The following PDZRN4 variants were observed in gnomAD, a reference collection of about 807,000 sequenced individuals.
PDZRN4 encodes the protein PDZ domain containing ring finger 4, also known as PDZ domain-containing RING finger protein 4.
PDZRN4 carries 70 observed loss-of-function variants against 99.0 expected under a neutral mutation model. The ratio of observed to expected loss-of-function variants is 0.71; its 90% confidence interval spans 0.58 to 0.86. PDZRN4 has a LOEUF of 0.86. PDZRN4 is among the 40% of genes least tolerant of loss of function. PDZRN4 has a pLI of 0.00. For synonymous variants in PDZRN4, 551 were observed against 501.6 expected (o/e 1.10, Z -1.32); for missense variants, 1,474 against 1,331.2 (o/e 1.11, Z -1.67).
intron 3 of PDZRN4, among the ~76,000 whole-genome samples, chr12:41,488,246 A>G (rs1217987827): frequency 6.6e-6 from 1 of 152,208 alleles, no homozygotes; most frequent in Non-Finnish European, 1.5e-5. Flanking sequence ...GAGCATTTGT[A>G]GAAGAGCACA....
chr12:41,263,423 A>T (rs1951256298), intron 3 of PDZRN4, among the ~76,000 whole-genome samples: 1 of 152,122 alleles, frequency 6.6e-6, no homozygotes, highest in Non-Finnish European at 1.5e-5. Context: ...ATGGTGTTGC[A>T]TGCCTGTAAT....
At chr12:41,383,091 G>A (rs1003749525) in intron 3 of PDZRN4, among the ~76,000 whole-genome samples, 1 of 152,166 alleles carries the variant, frequency 6.6e-6, no homozygotes, top group African/African-American at 2.4e-5. Flanking sequence ...CCTCAGATAT[G>A]ACTGTTCAAC....
At chr12:41,396,533 T>C (rs1444897601) in intron 3 of PDZRN4, among the ~76,000 whole-genome samples, 2 of 152,128 alleles carry the variant, frequency 1.3e-5, no homozygotes, top group African/African-American at 4.8e-5. Context: ...CATTATTAGC[T>C]CACAATTTAT....
At position 41,563,639 on chromosome 12, in the gene PDZRN4, C is replaced by T; in HGVS notation, c.1457C>T (p.Pro486Leu). Residue 486 changes from proline (P) to leucine (L), a missense_variant, in exon 8 of 10, where the codon CCA becomes CTA. By Grantham distance (98) the Pro-to-Leu change is moderately conservative (BLOSUM62 -3). Coordinates refer to ENST00000402685, the MANE Select transcript of PDZRN4 (RefSeq NM_001164595.2). Reference protein sequence around the residue: ...CKRIVLLVARPEIQLDEGWLE... With the variant: ...CKRIVLLVARLEIQLDEGWLE... ...AGAATCGTGCTGCTTGTTGCAAGGC[C>T]AGAGATTCAGGTCAGAACAGAGATC... 2.5e-6 allele frequency: 4 copies of T among 1,611,148 alleles called. No individual in the cohort carries two copies. The highest frequency in any genetic ancestry group is 3.4e-6 in the Non-Finnish European group (4 of 1,177,666).
chr12:41,371,652 C>G (rs11180861), intron 3 of PDZRN4, among the ~76,000 whole-genome samples: 1 of 151,972 alleles, frequency 6.6e-6, no homozygotes, highest in Non-Finnish European at 1.5e-5. Flanking sequence ...TTTTGGTTTT[C>G]GCTTTATTTT....
chr12:41,460,131 C>A, intron 3 of PDZRN4: 1 of 1,200,672 alleles, frequency 8.3e-7, no homozygotes, highest in Non-Finnish European at 1.1e-6. Flanking sequence ...CTGCCTACCA[C>A]ATGTTTTTAC....
intron 3 of PDZRN4, among the ~76,000 whole-genome samples, chr12:41,499,315 A>G (rs1938069913): frequency 6.6e-6 from 1 of 152,170 alleles, no homozygotes; most frequent in Non-Finnish European, 1.5e-5. Flanking sequence ...CATCCAACTC[A>G]TGTGCCAAAA....
At chr12:41,220,600 C>T (rs1388291215) in intron 3 of PDZRN4, among the ~76,000 whole-genome samples, 4 of 152,044 alleles carry the variant, frequency 2.6e-5, no homozygotes, top group East Asian at 3.9e-4. Context: ...GAAATGGCTC[C>T]GAGAGGAGCT....
chr12:41,233,802 CG>C (rs1193123839), intron 3 of PDZRN4, among the ~76,000 whole-genome samples: 1 of 149,956 alleles, frequency 6.7e-6, no homozygotes. Flanking sequence ...GTGGGGGGAG[CG>C]GGGGGGAGAT....
chr12:41,330,850 A>G (rs1007802288), intron 3 of PDZRN4, among the ~76,000 whole-genome samples: 7 of 152,124 alleles, frequency 4.6e-5, no homozygotes, highest in Non-Finnish European at 8.8e-5. Context: ...GTATGCATTC[A>G]ATGCAATAAT....
At chr12:41,331,302 G>A (rs933732327) in intron 3 of PDZRN4, among the ~76,000 whole-genome samples, 16 of 151,994 alleles carry the variant, frequency 1.1e-4, no homozygotes, top group South Asian at 2.1e-4. Flanking sequence ...TCTATATTTC[G>A]GTAGGTTTAT....
At chr12:41,252,334 T>A (rs1371014741) in intron 3 of PDZRN4, among the ~76,000 whole-genome samples, 1 of 152,134 alleles carries the variant, frequency 6.6e-6, no homozygotes, top group African/African-American at 2.4e-5. Context: ...TAAATGTTCA[T>A]ACAATGAAGT....
intron 3 of PDZRN4, among the ~76,000 whole-genome samples, chr12:41,261,194 A>G (rs1400693360): frequency 1.3e-5 from 2 of 152,162 alleles, no homozygotes; most frequent in Non-Finnish European, 2.9e-5. Context: ...AATTTGTATC[A>G]ATTTTTATTA....
intron 3 of PDZRN4, among the ~76,000 whole-genome samples, chr12:41,316,501 A>C (rs1328509411): frequency 7.1e-6 from 1 of 141,480 alleles, no homozygotes. Context: ...TGTGTATAAA[A>C]TAAAAACTGT....
chr12:41,325,647 T>C (rs1342779733), intron 3 of PDZRN4, among the ~76,000 whole-genome samples: 1 of 152,146 alleles, frequency 6.6e-6, no homozygotes, highest in Non-Finnish European at 1.5e-5. Flanking sequence ...GCCCAGAATT[T>C]AGAGTTTCTG....
chr12:41,224,202 T>C (rs970336893), intron 3 of PDZRN4, among the ~76,000 whole-genome samples: 4 of 152,200 alleles, frequency 2.6e-5, no homozygotes, highest in Non-Finnish European at 1.5e-5. Flanking sequence ...TGCCAGTCTG[T>C]GGCATTCAAT....
At chr12:41,363,507 T>C (rs1951976834) in intron 3 of PDZRN4, among the ~76,000 whole-genome samples, 1 of 152,088 alleles carries the variant, frequency 6.6e-6, no homozygotes, top group African/African-American at 2.4e-5. Flanking sequence ...AGGATGTATT[T>C]ATTCAGGATG....
chr12:41,503,318 A>G (rs1368879502), intron 3 of PDZRN4, among the ~76,000 whole-genome samples: 1 of 152,136 alleles, frequency 6.6e-6, no homozygotes, highest in Non-Finnish European at 1.5e-5. Flanking sequence ...GATTACACTG[A>G]CTGTCCTTTT....
chr12:41,224,710 T>C (rs1360921479), intron 3 of PDZRN4, among the ~76,000 whole-genome samples: 1 of 152,190 alleles, frequency 6.6e-6, no homozygotes, highest in South Asian at 2.1e-4. Flanking sequence ...ATCCTAGAGA[T>C]GGGACAAGAA....
Sources: gnomAD v4.1 joint callset for allele counts (sites outside exome capture counted in the v4.1 genomes callset) on GRCh38, gnomAD v4.1.1 for gene constraint, MANE v1.5 for transcripts, NCBI Gene and HGNC (gene_info 2026-07-23, HGNC 2026-07-21) for gene names.